Variants in PKIG observed in about 807,000 individuals in gnomAD.
The protein encoded by PKIG is cAMP-dependent protein kinase inhibitor gamma.
A neutral mutation model predicts 6.8 loss-of-function variants in PKIG; 1 was observed. That is an observed-to-expected ratio of 0.15 (90% CI 0.05 to 0.69). The LOEUF (loss-of-function observed/expected upper bound fraction) is 0.69. Among genes scored for constraint, PKIG ranks in the 30% least tolerant of loss-of-function variants. The pLI, the probability that PKIG is intolerant of heterozygous loss-of-function variation, is 0.82. For synonymous variants in PKIG, 39 were observed against 43.0 expected, an observed-to-expected ratio of 0.91 and a Z score of 0.36; for missense variants, 77 against 104.0, an observed-to-expected ratio of 0.74 and a Z score of 1.13.
At chr20:44,572,341 C>T (rs563184927) in intron 1 of PKIG, among the ~76,000 whole-genome samples, 21 of 152,118 alleles carry the variant, frequency 1.4e-4, no homozygotes, top group Admixed American at 8.5e-4. Context: ...CACTCAGTTA[C>T]TGTTTTGTTC....
chr20:44,580,313 C>T (rs957266239), upstream of PKIG, among the ~76,000 whole-genome samples: 3 of 151,938 alleles, frequency 2.0e-5, no homozygotes, highest in African/African-American at 7.3e-5. Context: ...TGTGGGTTAC[C>T]AGGCTGGTGT....
chr20:44,561,284 C>T (rs2064765083), intron 1 of PKIG, among the ~76,000 whole-genome samples: 1 of 152,108 alleles, frequency 6.6e-6, no homozygotes, highest in Non-Finnish European at 1.5e-5. Context: ...TTGCAGTGAG[C>T]CGAGATCGCA....
upstream of PKIG, among the ~76,000 whole-genome samples, chr20:44,581,116 G>C (rs1410151439): frequency 6.6e-6 from 1 of 152,134 alleles, no homozygotes; most frequent in Non-Finnish European, 1.5e-5. Flanking sequence ...AGGAGTTGAG[G>C]CTTCATTTCT....
intron 1 of PKIG, among the ~76,000 whole-genome samples, chr20:44,552,209 C>T (rs904493316): frequency 1.3e-5 from 2 of 152,180 alleles, no homozygotes; most frequent in African/African-American, 2.4e-5. Flanking sequence ...TCAAATGCCA[C>T]GTTGTTTGCG....
chr20:44,608,686 G>A (rs937099538), intron 2 of PKIG, among the ~76,000 whole-genome samples: 2 of 151,846 alleles, frequency 1.3e-5, no homozygotes, highest in Non-Finnish European at 2.9e-5. Context: ...AATAGTCCCA[G>A]CTACTCAGGA....
In PKIG at chr20:44,614,764, C is replaced by T. The variant is rs771424892; in HGVS notation, c.151+57C>T. 2.5e-5 allele frequency: 39 copies of T among 1,582,670 alleles called. No homozygotes were observed. The highest frequency in any genetic ancestry group is 4.5e-5 in the South Asian group (4 of 89,382). On this transcript the variant is annotated intron_variant, in intron 3 of 3. Coordinates refer to ENST00000372886, the MANE Select transcript of PKIG (RefSeq NM_001281445.2). The surrounding 1 kb of genome is among the most constrained non-coding windows in gnomAD (Gnocchi z 4.6). The stretch of plus-strand genomic sequence containing the variant: ...ATGCCAGAGGCCCTCTGCCGGGCCC[C>T]GGGCTAGCCTCCAAGTCCTAGACTG...
At chr20:44,590,954 T>G (rs955194256) in intron 2 of PKIG, among the ~76,000 whole-genome samples, 1 of 152,192 alleles carries the variant, frequency 6.6e-6, no homozygotes, top group Non-Finnish European at 1.5e-5. Flanking sequence ...CCAGGAAAAG[T>G]TTTTTTCATT....
intron 1 of PKIG, among the ~76,000 whole-genome samples, chr20:44,574,330 T>C (rs1327679138): frequency 6.6e-6 from 1 of 151,888 alleles, no homozygotes; most frequent in Non-Finnish European, 1.5e-5. Flanking sequence ...CTAAATAATA[T>C]GCTTATCGAG....
chr20:44,559,236 AT>A (rs2064745811), intron 1 of PKIG, among the ~76,000 whole-genome samples: 1 of 152,172 alleles, frequency 6.6e-6, no homozygotes, highest in African/African-American at 2.4e-5. Flanking sequence ...TTCCTGGATA[AT>A]TCTTCCAGAA....
intron 1 of PKIG, among the ~76,000 whole-genome samples, chr20:44,567,143 A>C (rs900611193): frequency 1.3e-4 from 20 of 152,374 alleles, no homozygotes; most frequent in African/African-American, 4.8e-4. Context: ...GCCAGATAAC[A>C]GATCCTAGTG....
At chr20:44,560,749 A>G (rs1296415582) in intron 1 of PKIG, among the ~76,000 whole-genome samples, 1 of 152,178 alleles carries the variant, frequency 6.6e-6, no homozygotes, top group Non-Finnish European at 1.5e-5. Context: ...AAGATCTTTC[A>G]TCATTATGGT....
At chr20:44,600,996 C>T (rs191810560) in intron 2 of PKIG, among the ~76,000 whole-genome samples, 2 of 152,188 alleles carry the variant, frequency 1.3e-5, no homozygotes, top group East Asian at 3.9e-4. Flanking sequence ...CCCTCGGGAG[C>T]AAACAGAAGA....
At chr20:44,543,919 C>A (rs2064586177) in intron 1 of PKIG, among the ~76,000 whole-genome samples, 1 of 152,096 alleles carries the variant, frequency 6.6e-6, no homozygotes, top group East Asian at 1.9e-4. Context: ...AAAAAATTAG[C>A]CGTGTGTGAT....
At chr20:44,553,127 C>T (rs1038341234) in intron 1 of PKIG, among the ~76,000 whole-genome samples, 7 of 152,074 alleles carry the variant, frequency 4.6e-5, no homozygotes, top group East Asian at 1.9e-4. Flanking sequence ...TTCTTCCCAC[C>T]GCCTCATAAC....
intron 3 of PKIG, among the ~76,000 whole-genome samples, chr20:44,616,899 C>A (rs1181695178): frequency 1.3e-5 from 2 of 152,244 alleles, no homozygotes; most frequent in Non-Finnish European, 2.9e-5. Context: ...CGAGCTACCA[C>A]CCACTTCCTA....
intron 1 of PKIG, among the ~76,000 whole-genome samples, chr20:44,558,515 C>T (rs1475411807): frequency 1.3e-5 from 2 of 152,068 alleles, no homozygotes; most frequent in Non-Finnish European, 2.9e-5. Flanking sequence ...CCTTCTATTC[C>T]ATTCCTACTG....
chr20:44,571,032 G>A (rs758482031), intron 1 of PKIG, among the ~76,000 whole-genome samples: 5 of 152,002 alleles, frequency 3.3e-5, no homozygotes, highest in South Asian at 2.1e-4. Context: ...CCAGGAGTTC[G>A]AGACCAGCCT....
intron 2 of PKIG, among the ~76,000 whole-genome samples, chr20:44,596,227 G>A (rs188915040): frequency 6.6e-6 from 1 of 152,232 alleles, no homozygotes; most frequent in Admixed American, 6.5e-5. Context: ...TGTATTTGTC[G>A]AATGACTGTT....
chr20:44,571,739 A>T (rs2123293617), intron 1 of PKIG, among the ~76,000 whole-genome samples: 1 of 152,366 alleles, frequency 6.6e-6, no homozygotes, highest in East Asian at 1.9e-4. Context: ...AGGCTGTAAC[A>T]CGTTCTGTGA....
Sources: gnomAD v4.1 joint callset for allele counts (sites outside exome capture counted in the v4.1 genomes callset) on GRCh38, gnomAD v4.1.1 for gene constraint, Gnocchi (gnomAD v3.1) non-coding constraint, MANE v1.5 for transcripts, NCBI Gene and HGNC (gene_info 2026-07-23, HGNC 2026-07-21) for gene names.